TAF15: variants seen among roughly 807,000 people sequenced by gnomAD.
The protein encoded by TAF15 is TATA-binding protein-associated factor 2N.
A neutral mutation model predicts 102.5 loss-of-function variants in TAF15; 37 were observed. That is an observed-to-expected ratio of 0.36 (90% CI 0.28 to 0.47). The LOEUF is 0.47. TAF15 is among the 20% of genes least tolerant of loss of function. TAF15 has a pLI of 0.99. For synonymous variants in TAF15, 273 were observed against 259.2 expected (o/e 1.05, Z -0.51); for missense variants, 652 against 760.7 (o/e 0.86, Z 1.68).
intron 11 of TAF15, among the ~76,000 whole-genome samples, chr17:35,841,249 C>T (rs919441592): frequency 6.6e-6 from 1 of 152,136 alleles, no homozygotes; most frequent in Admixed American, 6.5e-5. Context: ...CCTTTGAATC[C>T]CAGTGATCTT....
At chr17:35,824,026 A>T in intron 6 of TAF15, 52 bp from the exon 7 acceptor site, 1 of 1,613,188 alleles carries the variant, frequency 6.2e-7, no homozygotes, top group South Asian at 1.1e-5. Context: ...TTGTTATTTG[A>T]AGCTTTAGAA....
Position 35,809,523 on chromosome 17 carries a change from C to A in TAF15, c.-47C>A. On this transcript the variant is annotated 5_prime_UTR_variant, in exon 1 of 16. Transcript: ENST00000605844. ...CGCCGCGCCGCCTGGCTTTCGTATT[C>A]GTTGTTCTCGGCGGGCTGTGGGGCC... 6.2e-7 allele frequency: 1 copy of A among 1,612,354 alleles called. No homozygotes were observed. Among genetic ancestry groups the A allele is most frequent in the Non-Finnish European group, 8.5e-7 (1 of 1,179,602 alleles).
intron 10 of TAF15, among the ~76,000 whole-genome samples, chr17:35,836,734 T>C (rs2087479460): frequency 6.6e-6 from 1 of 152,192 alleles, no homozygotes; most frequent in Admixed American, 6.6e-5. Context: ...AGTAACAGTT[T>C]CTTGAAATCA....
At chr17:35,809,898 G>C in intron 1 of TAF15, 1 of 547,486 alleles carries the variant, frequency 1.8e-6, no homozygotes, top group Non-Finnish European at 3.3e-6. Context: ...GTAGGGGCGG[G>C]GGGAGCCGAG....
chr17:35,814,469 AT>A (rs889981663), intron 1 of TAF15, among the ~76,000 whole-genome samples: 33 of 147,428 alleles, frequency 2.2e-4, no homozygotes, highest in Admixed American at 3.4e-4. Flanking sequence ...CACCCAGCTG[AT>A]TTTTTTTTTT....
At chr17:35,834,063 TG>T in intron 8 of TAF15, 122 bp downstream of exon 8, 1 of 834,220 alleles carries the variant, frequency 1.2e-6, no homozygotes, top group South Asian at 1.9e-5. Flanking sequence ...GTGTGTTGTG[TG>T]CTTTAAAAAA....
intron 1 of TAF15, among the ~76,000 whole-genome samples, chr17:35,812,953 C>A (rs769087033): frequency 6.6e-6 from 1 of 151,718 alleles, no homozygotes; most frequent in Non-Finnish European, 1.5e-5. Context: ...CATGGCGAAA[C>A]CCCATCTCTA....
At chr17:35,833,271 A>T (rs1297444852) in intron 7 of TAF15, among the ~76,000 whole-genome samples, 3 of 152,136 alleles carry the variant, frequency 2.0e-5, no homozygotes. Context: ...TGATGTGAAG[A>T]GATGTAGTAT....
intron 1 of TAF15, among the ~76,000 whole-genome samples, chr17:35,813,117 CAAAAA>C (rs55754009): frequency 1.0e-4 from 6 of 58,938 alleles, no homozygotes; most frequent in Admixed American, 3.8e-4. Flanking sequence ...GACTCTGTCT[CAAAAA>C]AAAAAAAAAA....
chr17:35,817,546 GTAAA>G (rs1157584370), intron 1 of TAF15, among the ~76,000 whole-genome samples, 166 bp from the exon 2 acceptor site: 6 of 152,304 alleles, frequency 3.9e-5, no homozygotes, highest in Non-Finnish European at 4.4e-5. Flanking sequence ...ATTGTAAAAA[GTAAA>G]TACTATTTGT....
rs747321705 is a variant in TAF15, at chr17:35,844,924, G to A, written c.1625G>A (p.Gly542Asp). Residue 542 changes from glycine (G) to aspartate (D), a missense_variant, in exon 15 of 16, where the codon GGT becomes GAT. Physicochemically the swap from Gly to Asp is moderately conservative, Grantham distance 94. Transcript: ENST00000605844. ...GACCGTGGTGGTGGCAGTGGCTACG[G>A]TGGAGACCGAAGTGGAGGCTATGGA... ...GGDRGGGSGYGGDRSGGYGGD... is the reference protein window; with the variant it reads ...GGDRGGGSGYDGDRSGGYGGD... The A allele has an allele frequency of 1.2e-6, 2 of 1,613,078 alleles. No individual in the cohort carries two copies. The highest frequency in any genetic ancestry group is 1.7e-6 in the Non-Finnish European group (2 of 1,179,596).
At chr17:35,843,681 A>T (rs1430051769) in intron 12 of TAF15, among the ~76,000 whole-genome samples, 2 of 152,180 alleles carry the variant, frequency 1.3e-5, no homozygotes, top group Non-Finnish European at 1.5e-5. Context: ...GGTCATGGTC[A>T]TTGAAGCATT....
chr17:35,841,715 GGAGA>G (rs773200764), intron 11 of TAF15, among the ~76,000 whole-genome samples: 1 of 92,836 alleles, frequency 1.1e-5, no homozygotes, highest in East Asian at 2.5e-4. Flanking sequence ...TTTTTTTTTT[GGAGA>G]GAGAGTATCA....
chr17:35,834,029 CTT>C (rs1348665204), intron 8 of TAF15, 88 bp downstream of exon 8: 1 of 1,395,008 alleles, frequency 7.2e-7, no homozygotes, highest in Non-Finnish European at 1.0e-6. Context: ...GTCAAAAGTC[CTT>C]TCTTACTCTG....
Position 35,820,325 on chromosome 17 carries a change from T to C in TAF15, c.185-7T>C. The stretch of plus-strand genomic sequence containing the variant: ...TTCACTAAATGATATACTCATCTAA[T>C]CTTTAGGTTATTCACAGTCCTATGG... On this transcript the variant is annotated splice_polypyrimidine_tract_variant and splice_region_variant and intron_variant, in intron 4 of 15. Transcript: ENST00000605844. 6.2e-7 allele frequency: 1 copy of C among 1,613,948 alleles called. No individual in the cohort carries two copies. The highest frequency in any genetic ancestry group is 1.7e-5 in the Admixed American group (1 of 60,024).
At position 35,829,977 on chromosome 17, in the gene TAF15, T is replaced by C. The variant is rs573318673; in HGVS notation, c.606-3930T>C. On this transcript the variant is annotated intron_variant, in intron 7 of 15. Transcript: ENST00000605844. The stretch of plus-strand genomic sequence containing the variant: ...CAACATGGTGAAACCCCGTCTCTAC[T>C]GAAAATACAAAAATTAGCTGGGCAT... 3.7e-3 allele frequency: 561 copies of C among 152,054 alleles called. 1 individual carries two copies. Among genetic ancestry groups the C allele is most frequent in the Non-Finnish European group, 6.4e-3 (434 of 68,020 alleles). The allele number at this position is 152,054 out of a possible 1,614,324, so 9.4% of individuals were successfully genotyped here.
At chr17:35,834,743 T>TC (rs2087452871) in intron 9 of TAF15, 145 bp downstream of exon 9, 1 of 426,906 alleles carries the variant, frequency 2.3e-6, no homozygotes, top group South Asian at 3.8e-5. Context: ...TTTATTTCTT[T>TC]TTTTTTTTTT....
At chr17:35,813,641 C>A (rs1455769608) in intron 1 of TAF15, among the ~76,000 whole-genome samples, 2 of 147,454 alleles carry the variant, frequency 1.4e-5, no homozygotes, top group Admixed American at 6.7e-5. Context: ...GTCCCCCCCC[C>A]CCCGCAAAAA....
intron 7 of TAF15, among the ~76,000 whole-genome samples, chr17:35,827,673 C>G (rs1048217140): frequency 2.0e-5 from 3 of 151,924 alleles, no homozygotes; most frequent in African/African-American, 7.3e-5. Flanking sequence ...CCATTGCATT[C>G]CAGCCTGGGC....
Sources: allele counts gnomAD v4.1 joint callset (sites outside exome capture counted in the v4.1 genomes callset), GRCh38; gene constraint gnomAD v4.1.1; transcripts MANE v1.5; gene names NCBI Gene and HGNC (gene_info 2026-07-23, HGNC 2026-07-21).